KIF13A: variants seen among roughly 807,000 people sequenced by gnomAD.
The protein encoded by KIF13A is kinesin-like protein KIF13A.
In KIF13A, 79 loss-of-function variants were observed where a neutral mutation model predicts 212.2. The observed-to-expected ratio is 0.37, with a 90% CI of 0.31 to 0.45. The LOEUF (loss-of-function observed/expected upper bound fraction) is 0.45. KIF13A is among the 20% of genes least tolerant of loss of function. KIF13A has a pLI of 1.00. For missense variants in KIF13A, 1,901 were observed against 2,209.0 expected, an observed-to-expected ratio of 0.86 and a Z score of 2.79; for synonymous variants, 789 against 808.6, an observed-to-expected ratio of 0.98 and a Z score of 0.41.
intron 2 of KIF13A, among the ~76,000 whole-genome samples, chr6:17,983,148 A>T (rs1023563729): frequency 6.9e-6 from 1 of 144,832 alleles, no homozygotes; most frequent in African/African-American, 2.6e-5. Flanking sequence ...ACTCCAGCCC[A>T]GGTGACAGTG....
rs182457881 is a variant in KIF13A at position 17,934,226 on chromosome 6, T to C, written c.147-36046A>G. ...ACTACTGTCTAATGGCCACAGGACA[T>C]TGGCCTTCTTCAAATTCTTAAGTGA... On this transcript the variant is annotated intron_variant, in intron 2 of 38. Coordinates refer to ENST00000259711, the MANE Select transcript of KIF13A (RefSeq NM_022113.6). This position sits in a 1 kb window ranked among gnomAD's most constrained non-coding sequence, Gnocchi z 5.4. Among the ~76,000 whole-genome samples the C allele has an allele frequency of 1.2e-4, 18 of 152,270 alleles. No homozygotes were observed. Among genetic ancestry groups the C allele is most frequent in the Non-Finnish European group, 2.5e-4 (17 of 68,020 alleles).
At chr6:17,831,548 G>A (rs1765454365) in intron 12 of KIF13A, among the ~76,000 whole-genome samples, 1 of 151,540 alleles carries the variant, frequency 6.6e-6, no homozygotes, top group South Asian at 2.1e-4. Context: ...AATGCCAGGG[G>A]CTTCCCAGGA....
chr6:17,811,214 ACAAC>A lies in KIF13A; in HGVS notation c.2001-2288_2001-2285del, dbSNP rs1763399716. ...TTCATTAAGTCTCATCTTCCACTGA[ACAAC>A]CAACAAGCTTACTGTGCAGTCTGTC... On this transcript the variant is annotated intron_variant, in intron 17 of 38. Transcript: ENST00000259711. The surrounding 1 kb of genome is among the most constrained non-coding windows in gnomAD (Gnocchi z 6.0). 6.6e-6 allele frequency among the ~76,000 whole-genome samples: 1 copy of A among 152,184 alleles called. No individual in the cohort carries two copies. Among genetic ancestry groups the A allele is most frequent in the African/African-American group, 2.4e-5 (1 of 41,434 alleles).
rs927284178 is a variant in KIF13A, at chr6:17,839,112, G to A, written c.831-1529C>T. ...TGGGATTATAGGCGTGAGCCACTGCGCCCAGCCAAGAAGCTTAATTAATAC... is the reference window on the plus strand; with the variant it reads ...TGGGATTATAGGCGTGAGCCACTGCACCCAGCCAAGAAGCTTAATTAATAC... On this transcript the variant is annotated intron_variant, in intron 9 of 38. Coordinates refer to ENST00000259711, the MANE Select transcript of KIF13A (RefSeq NM_022113.6). The surrounding 1 kb of genome is among the most constrained non-coding windows in gnomAD (Gnocchi z 4.3). Among the ~76,000 whole-genome samples the A allele has an allele frequency of 1.3e-5, 2 of 152,098 alleles. No individual in the cohort carries two copies. Among genetic ancestry groups the A allele is most frequent in the African/African-American group, 4.8e-5 (2 of 41,426 alleles).
chr6:17,970,596 C>T (rs975270026), intron 2 of KIF13A, among the ~76,000 whole-genome samples: 3 of 152,148 alleles, frequency 2.0e-5, no homozygotes, highest in African/African-American at 4.8e-5. Context: ...TTTCTTTTCT[C>T]CCCTAACCCC....
chr6:17,952,108 G>A (rs2150572075), intron 2 of KIF13A, among the ~76,000 whole-genome samples: 1 of 151,420 alleles, frequency 6.6e-6, no homozygotes, highest in Non-Finnish European at 1.5e-5. Flanking sequence ...TGGAGACCAT[G>A]CTGGTTAACA....
Position 17,919,162 on chromosome 6 carries a change from T to C in KIF13A, c.147-20982A>G, listed in dbSNP as rs1307775709. Among the ~76,000 whole-genome samples, 1 of 152,244 alleles carries C rather than the reference T, an allele frequency of 6.6e-6. No individual in the cohort carries two copies. The highest frequency in any genetic ancestry group is 1.5e-5 in the Non-Finnish European group (1 of 68,046). On this transcript the variant is annotated intron_variant, in intron 2 of 38. Coordinates refer to ENST00000259711, the MANE Select transcript of KIF13A (RefSeq NM_022113.6). The surrounding 1 kb of genome is among the most constrained non-coding windows in gnomAD (Gnocchi z 4.1). ...GAAGACCAAGTAAACATACATATAG[T>C]GCTGTGTTTTTACAAATGCTTTAAT...
chr6:17,788,222 A>G (rs1761223763), intron 26 of KIF13A, among the ~76,000 whole-genome samples: 1 of 152,214 alleles, frequency 6.6e-6, no homozygotes, highest in Non-Finnish European at 1.5e-5. Context: ...CCCAAACAGA[A>G]GGACAGCATG....
chr6:17,823,403 C>T (rs1581425255), intron 16 of KIF13A, among the ~76,000 whole-genome samples: 1 of 151,566 alleles, frequency 6.6e-6, no homozygotes, highest in South Asian at 2.1e-4. Context: ...TTCTCTCTCT[C>T]TCTCTCTCCC....
rs1396013524 is a variant in KIF13A, at chr6:17,855,421, T to C, written c.494+16A>G. The C allele has an allele frequency of 6.3e-7, 1 of 1,587,188 alleles. No individual in the cohort carries two copies. Among genetic ancestry groups the C allele is most frequent in the Non-Finnish European group, 8.6e-7 (1 of 1,165,448 alleles). ...TCTCCCCCTATTAACACACTTAATCTTGACCACTAACTTACCCTTTGGGGT... is the reference window on the plus strand; with the variant it reads ...TCTCCCCCTATTAACACACTTAATCCTGACCACTAACTTACCCTTTGGGGT... On this transcript the variant is annotated intron_variant, in intron 6 of 38. Transcript: ENST00000259711. This position sits in a 1 kb window ranked among gnomAD's most constrained non-coding sequence, Gnocchi z 4.1.
At position 17,967,061 on chromosome 6, in the gene KIF13A, T is replaced by G. The variant is rs1426105459; in HGVS notation, c.146+19993A>C. Among the ~76,000 whole-genome samples the G allele has an allele frequency of 6.6e-6, 1 of 152,210 alleles. No individual in the cohort carries two copies. Among genetic ancestry groups the G allele is most frequent in the Non-Finnish European group, 1.5e-5 (1 of 68,042 alleles). ...GATTTAGTAGACACTCTATTCCCTT[T>G]TGGTATTATGCACTTTCTCAGGGGA... On this transcript the variant is annotated intron_variant, in intron 2 of 38. Transcript: ENST00000259711. The surrounding 1 kb of genome is among the most constrained non-coding windows in gnomAD (Gnocchi z 4.1).
At chr6:17,836,248 G>A (rs540683222) in intron 11 of KIF13A, among the ~76,000 whole-genome samples, 26 of 152,252 alleles carry the variant, frequency 1.7e-4, no homozygotes, top group Non-Finnish European at 3.5e-4. Context: ...TGATCACGCC[G>A]TTTCCACAGC....
chr6:17,886,146 AAAAT>A lies in KIF13A; in HGVS notation c.159+12018_159+12021del, dbSNP rs1468711510. On this transcript the variant is annotated intron_variant, in intron 3 of 38. Transcript: ENST00000259711. This position sits in a 1 kb window ranked among gnomAD's most constrained non-coding sequence, Gnocchi z 5.6. ...ATTGTTACTCATAAAAATGAGAAGA[AAAAT>A]AAAACCTAGATTAAATCTGAGTCAT... is the stretch of plus-strand genomic sequence containing the variant. 6.6e-6 allele frequency among the ~76,000 whole-genome samples: 1 copy of A among 152,256 alleles called. No homozygotes were observed. The highest frequency in any genetic ancestry group is 1.5e-5 in the Non-Finnish European group (1 of 68,048).
chr6:17,885,198 C>T (rs1248223005), intron 3 of KIF13A, among the ~76,000 whole-genome samples: 1 of 152,134 alleles, frequency 6.6e-6, no homozygotes, highest in Non-Finnish European at 1.5e-5. Flanking sequence ...CACCAAGAGC[C>T]TGTGTGATCA....
At chr6:17,846,100 C>G (rs571747011) in intron 9 of KIF13A, among the ~76,000 whole-genome samples, 2 of 126,718 alleles carry the variant, frequency 1.6e-5, no homozygotes, top group South Asian at 5.4e-4. Context: ...GGATTACAGG[C>G]GCCCACTACC....
chr6:17,945,604 A>G (rs1348210750), intron 2 of KIF13A, among the ~76,000 whole-genome samples: 2 of 152,244 alleles, frequency 1.3e-5, no homozygotes, highest in African/African-American at 4.8e-5. Flanking sequence ...TAAAATTTTT[A>G]TTGCTAAAGA....
chr6:17,927,216 C>T (rs1775568225), intron 2 of KIF13A, among the ~76,000 whole-genome samples: 1 of 151,614 alleles, frequency 6.6e-6, no homozygotes, highest in Admixed American at 6.6e-5. Context: ...ATTTGCATAC[C>T]AGTATTCATA....
rs543697658 is a variant in KIF13A, at chr6:17,771,768, G to C, written c.4476+140C>G. 45 of 706,784 alleles carry C rather than the reference G, an allele frequency of 6.4e-5. No individual in the cohort carries two copies. In the African/African-American group the frequency reaches 7.5e-4, roughly 12 times the overall value. 43.8% of individuals were successfully genotyped at this position (706,784 alleles called of 1,614,324 possible). ...ACCATGACTCTGCATGCTTGAGAAA[G>C]AGGAATTCGAGAACGGGAACCATGG... is the stretch of plus-strand genomic sequence containing the variant. On this transcript the variant is annotated intron_variant, in intron 37 of 38. Transcript: ENST00000259711. The surrounding 1 kb of genome is among the most constrained non-coding windows in gnomAD (Gnocchi z 5.4).
chr6:17,796,880 T>C, intron 22 of KIF13A, 60 bp from the exon 23 acceptor site: 1 of 1,187,654 alleles, frequency 8.4e-7, no homozygotes, highest in Non-Finnish European at 1.1e-6. Flanking sequence ...AAATTTCCTT[T>C]TGACCTTTCA....
Sources: allele counts gnomAD v4.1 joint callset (sites outside exome capture counted in the v4.1 genomes callset), GRCh38; gene constraint gnomAD v4.1.1; non-coding constraint Gnocchi (gnomAD v3.1); transcripts MANE v1.5; gene names NCBI Gene and HGNC (gene_info 2026-07-23, HGNC 2026-07-21).